The following RORA variants were observed in gnomAD, a reference collection of about 807,000 sequenced individuals.
RORA encodes nuclear receptor ROR-alpha.
Under a neutral mutation model 69.5 loss-of-function variants are expected in RORA, and 7 were observed. That is an observed-to-expected ratio of 0.10 (90% CI 0.06 to 0.19). The LOEUF (loss-of-function observed/expected upper bound fraction) is 0.19. Among genes scored for constraint, RORA ranks in the 10% least tolerant of loss-of-function variants. The pLI is 1.00. For missense variants in RORA, 457 were observed against 663.0 expected, an observed-to-expected ratio of 0.69 and a Z score of 3.41; for synonymous variants, 261 against 240.8, an observed-to-expected ratio of 1.08 and a Z score of -0.78.
intron 1 of RORA, chr15:60,765,642 C>T (rs537687253): frequency 1.5e-4 from 23 of 152,288 alleles, no homozygotes; most frequent in African/African-American, 5.1e-4. Context: ...GTCACAGAAG[C>T]TGCTTCATGC....
chr15:61,039,977 T>C lies in RORA; in HGVS notation c.166+189076A>G, dbSNP rs997095889. Among the ~76,000 whole-genome samples, 61 of 151,110 alleles carry C rather than the reference T, an allele frequency of 4.0e-4. 1 individual carries two copies. The highest frequency in any genetic ancestry group is 7.4e-4 in the Non-Finnish European group (50 of 67,744). On this transcript the variant is annotated intron_variant, in intron 1 of 10. Transcript: ENST00000335670. The stretch of plus-strand genomic sequence containing the variant: ...AGAAAACATTGGTTAACTAATGCTA[T>C]TTGGTAAAGAATTTGGGCCATTTTG...
chr15:61,027,641 T>C (rs1313327003), intron 1 of RORA, among the ~76,000 whole-genome samples: 7 of 152,184 alleles, frequency 4.6e-5, no homozygotes, highest in Non-Finnish European at 1.0e-4. Flanking sequence ...CAAGTATGCT[T>C]TTACTCAGGC....
intron 2 of RORA, among the ~76,000 whole-genome samples, chr15:60,676,845 C>G (rs552519354): frequency 5.9e-5 from 9 of 152,324 alleles, no homozygotes; most frequent in South Asian, 2.1e-4. Flanking sequence ...GAAAATTATT[C>G]TCAGGGATGA....
intron 1 of RORA, among the ~76,000 whole-genome samples, chr15:60,890,234 G>A (rs1370979439): frequency 6.6e-6 from 1 of 152,150 alleles, no homozygotes. Flanking sequence ...TTTACATGTG[G>A]GAAAATTGAG....
intron 1 of RORA, chr15:60,847,955 T>A (rs913330473): frequency 6.6e-6 from 1 of 152,242 alleles, no homozygotes; most frequent in Non-Finnish European, 1.5e-5. Flanking sequence ...TCTCCAGCCC[T>A]CTGCCCACGT....
intron 2 of RORA, among the ~76,000 whole-genome samples, chr15:60,592,163 C>A (rs1324948912): frequency 6.6e-6 from 1 of 151,934 alleles, no homozygotes; most frequent in East Asian, 2.0e-4. Context: ...AGAGGGGGAT[C>A]CACCCCGTGC....
At chr15:60,804,072 T>G (rs1267973913) in intron 1 of RORA, among the ~76,000 whole-genome samples, 1 of 152,048 alleles carries the variant, frequency 6.6e-6, no homozygotes, top group African/African-American at 2.4e-5. Flanking sequence ...GCGGATCACC[T>G]GAGGTCGGGA....
At chr15:60,782,816 A>C (rs564183869) in intron 1 of RORA, among the ~76,000 whole-genome samples, 1 of 152,372 alleles carries the variant, frequency 6.6e-6, no homozygotes, top group East Asian at 1.9e-4. Flanking sequence ...CAGTTTTCGG[A>C]AATAATACCC....
At chr15:60,968,912 C>G (rs563315200) in intron 1 of RORA, among the ~76,000 whole-genome samples, 1 of 152,322 alleles carries the variant, frequency 6.6e-6, no homozygotes, top group South Asian at 2.1e-4. Context: ...GTTGTCATGT[C>G]TCTTCTTCCT....
chr15:60,831,699 G>A (rs879732217), intron 1 of RORA, among the ~76,000 whole-genome samples: 4 of 152,096 alleles, frequency 2.6e-5, no homozygotes, highest in Non-Finnish European at 5.9e-5. Flanking sequence ...TTTTCATCAC[G>A]TCATTTCACG....
chr15:60,516,057 T>A (rs867817099), intron 3 of RORA, among the ~76,000 whole-genome samples: 7 of 6,092 alleles, frequency 1.1e-3, no homozygotes, highest in African/African-American at 2.2e-3. Context: ...TTATATATAT[T>A]TATATATATT....
At chr15:60,542,340 C>G (rs1277750088) in intron 2 of RORA, among the ~76,000 whole-genome samples, 1 of 150,516 alleles carries the variant, frequency 6.6e-6, no homozygotes, top group Non-Finnish European at 1.5e-5. Flanking sequence ...CACACATACA[C>G]ACACATACCA....
At chr15:60,553,840 C>T (rs140407526) in intron 2 of RORA, among the ~76,000 whole-genome samples, 101 of 152,264 alleles carry the variant, frequency 6.6e-4, no homozygotes, top group African/African-American at 2.4e-3. Flanking sequence ...CAATATATGG[C>T]CCCTAGAAGC....
intron 1 of RORA, among the ~76,000 whole-genome samples, chr15:60,685,939 C>T (rs1433151074): frequency 2.0e-5 from 3 of 151,994 alleles, no homozygotes; most frequent in Non-Finnish European, 2.9e-5. Flanking sequence ...TGAGCTGTTT[C>T]GGCAATAATA....
At chr15:60,980,325 A>G (rs1332466790) in intron 1 of RORA, among the ~76,000 whole-genome samples, 1 of 152,182 alleles carries the variant, frequency 6.6e-6, no homozygotes, top group Non-Finnish European at 1.5e-5. Flanking sequence ...CATAAGAGAT[A>G]TTAGCCTGTA....
intron 2 of RORA, chr15:60,592,685 G>C (rs1306749600): frequency 1.9e-6 from 2 of 1,055,414 alleles, no homozygotes; most frequent in African/African-American, 3.4e-5. Context: ...GCCGCGCCCC[G>C]CCCCGCCCCC....
chr15:60,860,808 C>A (rs1247359690), intron 1 of RORA, among the ~76,000 whole-genome samples: 5 of 152,190 alleles, frequency 3.3e-5, no homozygotes. Flanking sequence ...GGGAAGTGTG[C>A]TAGGGTAATG....
In RORA at chr15:60,491,543, C is replaced by T; in HGVS notation, c.*5912G>A. The stretch of plus-strand genomic sequence containing the variant: ...TTTCTATTTGGATTGAATATTCTGT[C>T]ATTCATTTATAAATAAATGACTGAA... On this transcript the variant is annotated 3_prime_UTR_variant, in exon 11 of 11. Coordinates refer to ENST00000335670, the MANE Select transcript of RORA (RefSeq NM_134261.3). The T allele has an allele frequency of 6.6e-6, 1 of 151,736 alleles. No homozygotes were observed. The highest frequency in any genetic ancestry group is 1.9e-4 in the East Asian group (1 of 5,190). 9.4% of individuals were successfully genotyped at this position (151,736 alleles called of 1,614,324 possible). A position where few individuals can be genotyped will look rare whatever the true frequency, so the allele number is the denominator to read the frequency against.
intron 1 of RORA, among the ~76,000 whole-genome samples, chr15:60,977,915 T>C (rs1263186059): frequency 1.3e-5 from 2 of 152,224 alleles, no homozygotes; most frequent in Non-Finnish European, 2.9e-5. Flanking sequence ...AATACTGCTA[T>C]AAATATTCAA....
Sources: allele counts gnomAD v4.1 joint callset (sites outside exome capture counted in the v4.1 genomes callset), GRCh38; gene constraint gnomAD v4.1.1; transcripts MANE v1.5; gene names NCBI Gene and HGNC (gene_info 2026-07-23, HGNC 2026-07-21).